The following CAB39L variants were observed in gnomAD, a reference collection of about 807,000 sequenced individuals.
The protein encoded by CAB39L is calcium-binding protein 39-like.
CAB39L carries 23 observed loss-of-function variants against 39.1 expected under a neutral mutation model. That is an observed-to-expected ratio of 0.59 (90% CI 0.42 to 0.83). CAB39L has a LOEUF of 0.83. Among genes scored for constraint, CAB39L ranks in the 40% least tolerant of loss-of-function variants. The probability of loss-of-function intolerance (pLI) is 0.00; values close to 1 mark genes in which losing one functional copy is unlikely to be tolerated. For missense variants in CAB39L, 366 were observed against 391.9 expected (o/e 0.93, Z 0.56); for synonymous variants, 126 against 137.2 (o/e 0.92, Z 0.57).
chr13:49,317,635 C>A (rs1954196306), intron 10 of CAB39L, among the ~76,000 whole-genome samples: 1 of 152,032 alleles, frequency 6.6e-6, no homozygotes, highest in African/African-American at 2.4e-5. Context: ...AAAGTAAAAT[C>A]AATCAAAGAC....
At chr13:49,442,815 A>AAAAAAAAAAAAAAAAAAAAAAAAAAAC in intron 1 of CAB39L, among the ~76,000 whole-genome samples, 2 of 148,932 alleles carry the variant, frequency 1.3e-5, no homozygotes, top group African/African-American at 5.0e-5. Flanking sequence ...AAAAAAAAAA[A>AAAAAAAAAAAAAAAAAAAAAAAAAAAC]AAAACATCAA....
chr13:49,389,243 G>C (rs547120163), intron 3 of CAB39L, among the ~76,000 whole-genome samples: 2 of 152,278 alleles, frequency 1.3e-5, no homozygotes, highest in South Asian at 4.1e-4. Context: ...ACTGAAATCA[G>C]TATGTCAAGG....
chr13:49,434,854 T>A (rs1280834020), intron 1 of CAB39L, among the ~76,000 whole-genome samples: 1 of 152,352 alleles, frequency 6.6e-6, no homozygotes, highest in East Asian at 1.9e-4. Context: ...TTCCTTTTTG[T>A]GTGTGGTTAT....
intron 3 of CAB39L, among the ~76,000 whole-genome samples, chr13:49,431,507 G>A (rs1957324140): frequency 6.6e-6 from 1 of 152,068 alleles, no homozygotes. Flanking sequence ...AGGAGTTCCA[G>A]ACCAGCCTGG....
At chr13:49,386,012 G>A (rs1238644709) in intron 3 of CAB39L, among the ~76,000 whole-genome samples, 5 of 152,010 alleles carry the variant, frequency 3.3e-5, no homozygotes, top group Admixed American at 6.6e-5. Context: ...TCAAAAACAC[G>A]GTGTCTTCAA....
At chr13:49,439,921 GTTTTTTTTTT>G (rs34993624) in intron 1 of CAB39L, among the ~76,000 whole-genome samples, 1 of 78,540 alleles carries the variant, frequency 1.3e-5, no homozygotes, top group East Asian at 4.8e-4. Flanking sequence ...TTTTTAATGG[GTTTTTTTTTT>G]TTTTTTTTTT....
chr13:49,347,012 A>G (rs1214083075), intron 7 of CAB39L, among the ~76,000 whole-genome samples: 1 of 152,176 alleles, frequency 6.6e-6, no homozygotes, highest in African/African-American at 2.4e-5. Flanking sequence ...AACCAAAAAG[A>G]TTAGGAGGTT....
At chr13:49,408,033 G>C (rs1440206541) in intron 3 of CAB39L, among the ~76,000 whole-genome samples, 2 of 152,136 alleles carry the variant, frequency 1.3e-5, no homozygotes, top group African/African-American at 4.8e-5. Flanking sequence ...GCCATGATCA[G>C]AACTTTCTGT....
chr13:49,341,670 A>C (rs1566076004), intron 8 of CAB39L, among the ~76,000 whole-genome samples: 2 of 152,302 alleles, frequency 1.3e-5, no homozygotes, highest in East Asian at 3.9e-4. Context: ...ATTCAACAGC[A>C]CAGTAGGGTG....
intron 3 of CAB39L, among the ~76,000 whole-genome samples, chr13:49,423,138 T>G (rs1189545352): frequency 6.6e-6 from 1 of 152,188 alleles, no homozygotes; most frequent in Non-Finnish European, 1.5e-5. Flanking sequence ...TCATTGATGC[T>G]CTATCATTAG....
At chr13:49,422,811 T>C (rs1957189960) in intron 3 of CAB39L, among the ~76,000 whole-genome samples, 2 of 152,124 alleles carry the variant, frequency 1.3e-5, no homozygotes, top group South Asian at 4.1e-4. Context: ...ACTTCTCAAA[T>C]TTATTATTCT....
At chr13:49,373,825 G>A (rs1454549286) in intron 5 of CAB39L, among the ~76,000 whole-genome samples, 2 of 152,110 alleles carry the variant, frequency 1.3e-5, no homozygotes, top group African/African-American at 2.4e-5. Flanking sequence ...GTTCTGTGTC[G>A]CTGGAGTAAG....
At chr13:49,358,141 T>C (rs1955535758) in intron 6 of CAB39L, among the ~76,000 whole-genome samples, 2 of 152,226 alleles carry the variant, frequency 1.3e-5, no homozygotes, top group African/African-American at 2.4e-5. Context: ...CTATGTGTTA[T>C]AGAAGCTTTG....
chr13:49,315,663 G>A (rs2138332502), intron 10 of CAB39L, among the ~76,000 whole-genome samples: 1 of 152,098 alleles, frequency 6.6e-6, no homozygotes, highest in Non-Finnish European at 1.5e-5. Flanking sequence ...AAGGCGGGCG[G>A]ATCATGAAGT....
intron 3 of CAB39L, among the ~76,000 whole-genome samples, chr13:49,401,757 C>T (rs1956777175): frequency 1.3e-5 from 2 of 152,108 alleles, no homozygotes; most frequent in South Asian, 4.1e-4. Context: ...GCTGGACCAC[C>T]TTGTTTAAAA....
chr13:49,371,185 C>CT (rs202093835), intron 5 of CAB39L, among the ~76,000 whole-genome samples: 1 of 112,620 alleles, frequency 8.9e-6, no homozygotes, highest in Non-Finnish European at 2.0e-5. Context: ...TTTTCTTTTT[C>CT]TTTCTTTTTT....
chr13:49,329,527 C>A (rs1954606906), intron 10 of CAB39L, among the ~76,000 whole-genome samples: 2 of 75,274 alleles, frequency 2.7e-5, no homozygotes. Flanking sequence ...CTACATATCT[C>A]TTCAATTAAA....
chr13:49,380,094 C>T (rs910843521), intron 4 of CAB39L, among the ~76,000 whole-genome samples: 3 of 152,214 alleles, frequency 2.0e-5, no homozygotes, highest in African/African-American at 7.2e-5. Context: ...CCACCTCAGC[C>T]TCCCAAAGTG....
intron 7 of CAB39L, among the ~76,000 whole-genome samples, chr13:49,346,798 C>A (rs1955190321): frequency 6.6e-6 from 1 of 152,080 alleles, no homozygotes; most frequent in Non-Finnish European, 1.5e-5. Flanking sequence ...TCAAGGACAT[C>A]CAGCTTATCA....
Sources: gnomAD v4.1 joint callset for allele counts (sites outside exome capture counted in the v4.1 genomes callset) on GRCh38, gnomAD v4.1.1 for gene constraint, MANE v1.5 for transcripts, NCBI Gene and HGNC (gene_info 2026-07-23, HGNC 2026-07-21) for gene names.